Variants in LY86 observed in about 807,000 individuals in gnomAD.
LY86 encodes MD-1, RP105-associated.
In LY86, 20 loss-of-function variants were observed where a neutral mutation model predicts 17.3. The observed-to-expected ratio is 1.15, with a 90% CI of 0.81 to 1.68. The LOEUF (loss-of-function observed/expected upper bound fraction) is 1.68. Ranked by LOEUF, LY86 falls within the 40% of genes most tolerant of loss-of-function variation. The pLI, the probability that LY86 is intolerant of heterozygous loss-of-function variation, is 0.00. For synonymous variants in LY86, 74 were observed against 70.6 expected, an observed-to-expected ratio of 1.05 and a Z score of -0.24; for missense variants, 200 against 191.9, an observed-to-expected ratio of 1.04 and a Z score of -0.25.
intron 3 of LY86, among the ~76,000 whole-genome samples, chr6:6,631,567 T>G (rs1761899875): frequency 6.6e-6 from 1 of 152,208 alleles, no homozygotes; most frequent in East Asian, 1.9e-4. Flanking sequence ...ATCAGCATCA[T>G]CTAGGAAATT....
At chr6:6,606,555 A>AT (rs1365658777) in intron 1 of LY86, among the ~76,000 whole-genome samples, 1 of 152,134 alleles carries the variant, frequency 6.6e-6, no homozygotes, top group East Asian at 1.9e-4. Flanking sequence ...TGGGCGGCAC[A>AT]GGAGCCCACG....
chr6:6,590,246 C>T (rs1460583054), intron 1 of LY86, among the ~76,000 whole-genome samples: 1 of 151,450 alleles, frequency 6.6e-6, no homozygotes, highest in Non-Finnish European at 1.5e-5. Flanking sequence ...AATCATAGAT[C>T]GTTTTGAACC....
chr6:6,599,478 G>C (rs974497228), intron 1 of LY86, among the ~76,000 whole-genome samples: 2 of 152,218 alleles, frequency 1.3e-5, no homozygotes, highest in African/African-American at 2.4e-5. Flanking sequence ...CCCCAGTGTG[G>C]GGTGAGACAC....
chr6:6,613,207 G>A (rs1326855620), intron 1 of LY86, among the ~76,000 whole-genome samples: 2 of 149,896 alleles, frequency 1.3e-5, no homozygotes, highest in Non-Finnish European at 3.0e-5. Flanking sequence ...GAGCCCAGCT[G>A]GCTTCACCCA....
At chr6:6,613,838 C>G (rs561557390) in intron 1 of LY86, among the ~76,000 whole-genome samples, 1 of 152,188 alleles carries the variant, frequency 6.6e-6, no homozygotes, top group African/African-American at 2.4e-5. Context: ...GATGGTTTAT[C>G]CGCCTTCCTT....
intron 1 of LY86, among the ~76,000 whole-genome samples, chr6:6,605,579 T>C (rs907114492): frequency 6.6e-5 from 10 of 152,262 alleles, no homozygotes; most frequent in African/African-American, 2.2e-4. Context: ...AGAAAGCGCA[T>C]GACAGCTGTC....
chr6:6,618,706 G>A lies in LY86; in HGVS notation c.137-6220G>A, dbSNP rs147452661. The stretch of plus-strand genomic sequence containing the variant: ...GATGAAACCGGAAGCCAGTTCATAC[G>A]TATGACTTGAATGTGTGAGTCAATT... On this transcript the variant is annotated intron_variant, in intron 1 of 4. Coordinates refer to ENST00000230568, the MANE Select transcript of LY86 (RefSeq NM_004271.4). Among the ~76,000 whole-genome samples, 496 of 152,272 alleles carry A rather than the reference G, an allele frequency of 3.3e-3. 4 individuals carry two copies. Among genetic ancestry groups the A allele is most frequent in the African/African-American group, 0.011 (473 of 41,550 alleles).
At chr6:6,601,971 C>T (rs1394805209) in intron 1 of LY86, among the ~76,000 whole-genome samples, 1 of 152,206 alleles carries the variant, frequency 6.6e-6, no homozygotes. Flanking sequence ...CAAAACCCAT[C>T]TGGAAGCTAG....
At chr6:6,624,866 G>T in intron 1 of LY86, 60 bp from the exon 2 acceptor site, 3 of 747,816 alleles carry the variant, frequency 4.0e-6, no homozygotes, top group Admixed American at 2.6e-5. Context: ...TGCAAATTTT[G>T]AATATGTTTG....
At chr6:6,591,017 C>T (rs1028272309) in intron 1 of LY86, 8 of 153,118 alleles carry the variant, frequency 5.2e-5, no homozygotes, top group Middle Eastern at 3.2e-3. Context: ...TTTCCCATGG[C>T]GTCAGGACCA....
chr6:6,598,279 A>G (rs1760781702), intron 1 of LY86, among the ~76,000 whole-genome samples: 2 of 152,222 alleles, frequency 1.3e-5, no homozygotes, highest in Admixed American at 6.5e-5. Context: ...AATTATCACA[A>G]AATTATTCAA....
chr6:6,623,968 A>G lies in LY86; in HGVS notation c.137-958A>G, dbSNP rs575678008. ...GTACACTTTACCAAGAATGCCAGACATCGCTGTTTTAAGAGTTCAAGGAAG... is the reference window on the plus strand; with the variant it reads ...GTACACTTTACCAAGAATGCCAGACGTCGCTGTTTTAAGAGTTCAAGGAAG... On this transcript the variant is annotated intron_variant, in intron 1 of 4. Transcript: ENST00000230568. 5.3e-5 allele frequency among the ~76,000 whole-genome samples: 8 copies of G among 152,356 alleles called. No individual in the cohort carries two copies. In the East Asian group the frequency reaches 1.4e-3, roughly 26 times the overall value.
intron 4 of LY86, among the ~76,000 whole-genome samples, chr6:6,650,269 T>C (rs1762166579): frequency 6.6e-6 from 1 of 152,200 alleles, no homozygotes; most frequent in Non-Finnish European, 1.5e-5. Context: ...AATGTGACAT[T>C]ATTAAATGAC....
intron 1 of LY86, among the ~76,000 whole-genome samples, chr6:6,612,011 A>AG (rs1761358427): frequency 6.6e-6 from 1 of 152,152 alleles, no homozygotes. Flanking sequence ...CACTATGAAA[A>AG]TAATCTTTGT....
intron 3 of LY86, among the ~76,000 whole-genome samples, chr6:6,630,943 A>T (rs1220730898): frequency 6.6e-6 from 1 of 152,232 alleles, no homozygotes; most frequent in Non-Finnish European, 1.5e-5. Flanking sequence ...TATTTGGAAT[A>T]TACTGAGTTA....
chr6:6,635,079 C>G (rs1761942981), intron 3 of LY86, among the ~76,000 whole-genome samples: 1 of 152,272 alleles, frequency 6.6e-6, no homozygotes, highest in African/African-American at 2.4e-5. Flanking sequence ...GTTTCATGTT[C>G]ACTGCACATA....
chr6:6,589,100 A>G (rs1324841640), intron 1 of LY86, among the ~76,000 whole-genome samples: 5 of 152,212 alleles, frequency 3.3e-5, no homozygotes, highest in Non-Finnish European at 7.4e-5. Flanking sequence ...GAGTACAAGA[A>G]AGAGAAATTG....
intron 1 of LY86, among the ~76,000 whole-genome samples, chr6:6,601,402 T>C (rs967533682): frequency 1.3e-5 from 2 of 151,952 alleles, no homozygotes; most frequent in Non-Finnish European, 2.9e-5. Context: ...GAGGGTAAGC[T>C]GCAATATACA....
chr6:6,646,824 C>T (rs891421305), intron 3 of LY86, among the ~76,000 whole-genome samples: 2 of 152,192 alleles, frequency 1.3e-5, no homozygotes, highest in African/African-American at 2.4e-5. Context: ...TCCAACCCAA[C>T]CATTGACCTT....
Sources: allele counts gnomAD v4.1 joint callset (sites outside exome capture counted in the v4.1 genomes callset), GRCh38; gene constraint gnomAD v4.1.1; transcripts MANE v1.5; gene names NCBI Gene and HGNC (gene_info 2026-07-23, HGNC 2026-07-21).